SORCS3: variants seen among roughly 807,000 people sequenced by gnomAD.
The protein encoded by SORCS3 is VPS10 domain-containing receptor SorCS3.
Under a neutral mutation model 146.3 loss-of-function variants are expected in SORCS3, and 57 were observed. The ratio of observed to expected loss-of-function variants is 0.39; its 90% CI spans 0.31 to 0.49. The LOEUF is 0.49. Among genes scored for constraint, SORCS3 ranks in the 20% least tolerant of loss-of-function variants. SORCS3 has a pLI of 0.92. For missense variants in SORCS3, 1,341 were observed against 1,575.5 expected (o/e 0.85, Z 2.52); for synonymous variants, 653 against 618.5 (o/e 1.06, Z -0.83).
chr10:105,182,836 G>T (rs989961487), intron 14 of SORCS3, among the ~76,000 whole-genome samples: 1 of 151,978 alleles, frequency 6.6e-6, no homozygotes, highest in Non-Finnish European at 1.5e-5. Flanking sequence ...CCAAGTAGCT[G>T]GGACTACAGG....
At chr10:104,840,170 T>C (rs546654922) in intron 1 of SORCS3, among the ~76,000 whole-genome samples, 1 of 152,234 alleles carries the variant, frequency 6.6e-6, no homozygotes, top group Admixed American at 6.5e-5. Flanking sequence ...CAGGTGGAGA[T>C]CTGAGAGGCA....
At chr10:104,851,985 AC>A (rs2018278389) in intron 2 of SORCS3, among the ~76,000 whole-genome samples, 1 of 152,212 alleles carries the variant, frequency 6.6e-6, no homozygotes, top group Non-Finnish European at 1.5e-5. Context: ...GAATCACTGA[AC>A]TTAGGAAGTT....
At chr10:105,140,135 A>G (rs924546729) in intron 8 of SORCS3, among the ~76,000 whole-genome samples, 3 of 152,126 alleles carry the variant, frequency 2.0e-5, no homozygotes, top group African/African-American at 7.2e-5. Flanking sequence ...TGCATCACTT[A>G]ATGAGGCTAC....
chr10:105,023,647 C>T (rs2133690539), intron 4 of SORCS3, among the ~76,000 whole-genome samples: 1 of 152,202 alleles, frequency 6.6e-6, no homozygotes, highest in South Asian at 2.1e-4. Flanking sequence ...TTAGTCAATG[C>T]AAAGAGTAAG....
intron 5 of SORCS3, among the ~76,000 whole-genome samples, chr10:105,060,114 C>G (rs1052985166): frequency 6.6e-6 from 1 of 152,040 alleles, no homozygotes; most frequent in African/African-American, 2.4e-5. Flanking sequence ...GGAGTGGCAT[C>G]AGTAATGTGT....
intron 9 of SORCS3, among the ~76,000 whole-genome samples, chr10:105,151,449 G>A (rs185762000): frequency 2.7e-4 from 41 of 152,198 alleles, no homozygotes; most frequent in African/African-American, 9.6e-4. Flanking sequence ...AGGTTAATTT[G>A]TAACTTTATA....
At chr10:104,741,250 C>T (rs543127590) in intron 1 of SORCS3, among the ~76,000 whole-genome samples, 12 of 149,258 alleles carry the variant, frequency 8.0e-5, no homozygotes, top group African/African-American at 2.5e-4. Context: ...GGATTATAGG[C>T]ACAAGCCACC....
In SORCS3 at chr10:105,217,069, A is replaced by G; in HGVS notation, c.2681A>G (p.Tyr894Cys). 4 of 1,614,186 alleles carry G rather than the reference A, an allele frequency of 2.5e-6. No homozygotes were observed. Among genetic ancestry groups the G allele is most frequent in the Non-Finnish European group, 3.4e-6 (4 of 1,180,026 alleles). Reference sequence around the variant, plus strand: ...GCGGGGATCTTCCAGGTGACAGCCTATGCAGAGAACAACCTTGGCTCAGAC... The same window carrying G: ...GCGGGGATCTTCCAGGTGACAGCCTGTGCAGAGAACAACCTTGGCTCAGAC... ...KSAGIFQVTA[Y>C]AENNLGSDTA... Residue 894 changes from tyrosine (Y) to cysteine (C), a missense_variant, in exon 19 of 27, where the codon TAT becomes TGT. Coordinates refer to ENST00000369701, the MANE Select transcript of SORCS3 (RefSeq NM_014978.3).
chr10:104,661,665 T>C (rs2015702406), intron 1 of SORCS3, among the ~76,000 whole-genome samples: 1 of 150,510 alleles, frequency 6.6e-6, no homozygotes, highest in Admixed American at 6.6e-5. Context: ...GTAGTATGAT[T>C]TGGGAATATA....
At chr10:104,723,918 A>G (rs897395570) in intron 1 of SORCS3, among the ~76,000 whole-genome samples, 1 of 151,450 alleles carries the variant, frequency 6.6e-6, no homozygotes, top group Non-Finnish European at 1.5e-5. Context: ...ATGGGTCTTG[A>G]CTCTTTATCC....
chr10:104,679,152 T>G (rs1211210134), intron 1 of SORCS3, among the ~76,000 whole-genome samples: 1 of 152,050 alleles, frequency 6.6e-6, no homozygotes, highest in Non-Finnish European at 1.5e-5. Context: ...GTTGGCAGAG[T>G]CCTGGGATCT....
At chr10:105,255,144 G>C (rs1004801276) in intron 23 of SORCS3, among the ~76,000 whole-genome samples, 1 of 138,774 alleles carries the variant, frequency 7.2e-6, no homozygotes, top group African/African-American at 2.7e-5. Flanking sequence ...AGCCGAGATC[G>C]CGCCACTGCA....
intron 5 of SORCS3, among the ~76,000 whole-genome samples, chr10:105,046,519 TTC>T (rs1312233357): frequency 1.3e-5 from 2 of 152,132 alleles, no homozygotes; most frequent in Non-Finnish European, 2.9e-5. Context: ...CTCTCGTCTG[TTC>T]CGTCATCTAC....
chr10:104,707,794 C>G (rs2016355517), intron 1 of SORCS3, among the ~76,000 whole-genome samples: 1 of 152,142 alleles, frequency 6.6e-6, no homozygotes, highest in East Asian at 1.9e-4. Flanking sequence ...AATAGAATGC[C>G]TGTTGCTTCC....
intron 1 of SORCS3, among the ~76,000 whole-genome samples, chr10:104,728,630 C>T (rs2016669737): frequency 6.6e-6 from 1 of 152,180 alleles, no homozygotes. Context: ...CTGCCTCAGG[C>T]TCAAGGCCGT....
chr10:105,072,095 G>A (rs1247815112), intron 5 of SORCS3, among the ~76,000 whole-genome samples: 1 of 152,142 alleles, frequency 6.6e-6, no homozygotes, highest in Non-Finnish European at 1.5e-5. Flanking sequence ...AGTGCTGGCT[G>A]GCTGGAGGTT....
chr10:105,090,292 A>G (rs917614205), intron 6 of SORCS3, among the ~76,000 whole-genome samples: 1 of 152,122 alleles, frequency 6.6e-6, no homozygotes, highest in Non-Finnish European at 1.5e-5. Context: ...ATGGCCTGCT[A>G]AGTGTCAGAC....
At chr10:105,126,554 C>T (rs2055975380) in intron 7 of SORCS3, among the ~76,000 whole-genome samples, 1 of 152,146 alleles carries the variant, frequency 6.6e-6, no homozygotes, top group South Asian at 2.1e-4. Context: ...TTATAGATTA[C>T]ATACAACACT....
At chr10:105,066,404 T>C (rs1053806094) in intron 5 of SORCS3, among the ~76,000 whole-genome samples, 6 of 152,102 alleles carry the variant, frequency 3.9e-5, no homozygotes, top group Non-Finnish European at 8.8e-5. Context: ...GGTTGAGAGT[T>C]GGTTTTGGAA....
Sources: gnomAD v4.1 joint callset for allele counts (sites outside exome capture counted in the v4.1 genomes callset) on GRCh38, gnomAD v4.1.1 for gene constraint, MANE v1.5 for transcripts, NCBI Gene and HGNC (gene_info 2026-07-23, HGNC 2026-07-21) for gene names.